The following PHTF1 variants were observed in gnomAD, a reference collection of about 807,000 sequenced individuals.
The protein encoded by PHTF1 is protein PHTF1.
PHTF1 carries 88 observed loss-of-function variants against 102.4 expected under a neutral mutation model. That is an observed-to-expected ratio of 0.86 (90% CI 0.72 to 1.03). The LOEUF (loss-of-function observed/expected upper bound fraction) is 1.03. PHTF1 is among the 50% of genes least tolerant of loss of function. The pLI is 0.00. For synonymous variants in PHTF1, 289 were observed against 305.2 expected (o/e 0.95, Z 0.55); for missense variants, 814 against 909.5 (o/e 0.89, Z 1.35).
upstream of PHTF1, among the ~76,000 whole-genome samples, chr1:113,759,756 T>C (rs1659440886): frequency 6.6e-6 from 1 of 152,264 alleles, no homozygotes; most frequent in South Asian, 2.1e-4. Flanking sequence ...TCGGTCCTGA[T>C]ACTCTAGTAG....
chr1:113,710,582 G>T, intron 10 of PHTF1, 107 bp from the exon 11 acceptor site: 1 of 742,994 alleles, frequency 1.3e-6, no homozygotes, highest in Non-Finnish European at 2.2e-6. Context: ...AAAGCCTTCA[G>T]AAGTCAATCA....
At chr1:113,716,413 C>T (rs1270374086) in intron 7 of PHTF1, among the ~76,000 whole-genome samples, 2 of 136,006 alleles carry the variant, frequency 1.5e-5, no homozygotes, top group Non-Finnish European at 1.5e-5. Flanking sequence ...GTCACAATTA[C>T]AGCTCACTAC....
intron 5 of PHTF1, among the ~76,000 whole-genome samples, chr1:113,732,918 G>A (rs1654886458): frequency 6.6e-6 from 1 of 152,118 alleles, no homozygotes; most frequent in Admixed American, 6.6e-5. Context: ...CAGAGATGCA[G>A]TCAGGGTCTT....
intron 3 of PHTF1, among the ~76,000 whole-genome samples, chr1:113,739,423 A>C (rs968910158): frequency 2.6e-5 from 4 of 152,186 alleles, no homozygotes; most frequent in Admixed American, 2.6e-4. Context: ...CCTCAAAAAC[A>C]AATAACTTCC....
At chr1:113,748,342 T>C (rs1657530899) in intron 3 of PHTF1, among the ~76,000 whole-genome samples, 1 of 152,180 alleles carries the variant, frequency 6.6e-6, no homozygotes, top group South Asian at 2.1e-4. Flanking sequence ...TTTTTAAAAT[T>C]ATTTATTAAT....
At position 113,710,319 on chromosome 1, in the gene PHTF1, C is replaced by T. The variant is rs756124749; in HGVS notation, c.1204G>A (p.Gly402Arg). Reference protein sequence around the residue: ...CRSSVTSDSEGAHVNTLHSGT... With the variant: ...CRSSVTSDSERAHVNTLHSGT... ...GAGTGAAGGGTATTCACATGGGCCC[C>T]CTCACTGTCACTGGTGACAGATGAC... The change falls in exon 11 of 19, where the codon GGG becomes AGG. Residue 402 changes from glycine (G) to arginine (R), a missense_variant. Coordinates refer to ENST00000369604, the MANE Select transcript of PHTF1 (RefSeq NM_001323043.2). The T allele has an allele frequency of 5.6e-6, 9 of 1,613,980 alleles. No individual in the cohort carries two copies. Among genetic ancestry groups the T allele is most frequent in the Non-Finnish European group, 7.6e-6 (9 of 1,180,030 alleles).
At chr1:113,721,373 G>C (rs1652909059) in intron 7 of PHTF1, among the ~76,000 whole-genome samples, 1 of 152,092 alleles carries the variant, frequency 6.6e-6, no homozygotes, top group South Asian at 2.1e-4. Flanking sequence ...TAAAAGTCAA[G>C]TCACATAACA....
intron 5 of PHTF1, among the ~76,000 whole-genome samples, chr1:113,734,194 A>T (rs1383470337): frequency 6.6e-6 from 1 of 152,204 alleles, no homozygotes; most frequent in Non-Finnish European, 1.5e-5. Context: ...TGGGAGGCGG[A>T]GGTTGCAGTG....
At chr1:113,723,805 A>T (rs990569352) in intron 7 of PHTF1, among the ~76,000 whole-genome samples, 2 of 152,224 alleles carry the variant, frequency 1.3e-5, no homozygotes, top group Non-Finnish European at 2.9e-5. Flanking sequence ...GCATCTATAT[A>T]GCAAAGGAAA....
intron 3 of PHTF1, among the ~76,000 whole-genome samples, chr1:113,753,638 G>A (rs1210372892): frequency 6.6e-6 from 1 of 151,862 alleles, no homozygotes; most frequent in Non-Finnish European, 1.5e-5. Flanking sequence ...ATGTTGCCCA[G>A]GCTAGTCTTG....
chr1:113,700,245 T>C, intron 16 of PHTF1: 4 of 735,730 alleles, frequency 5.4e-6, no homozygotes, highest in Non-Finnish European at 6.6e-6. Context: ...ATTACGATTC[T>C]AAGACAAAAA....
chr1:113,729,556 T>TA (rs879662543), intron 5 of PHTF1, among the ~76,000 whole-genome samples: 21 of 146,116 alleles, frequency 1.4e-4, no homozygotes, highest in South Asian at 4.3e-4. Context: ...ATTAAAAAGT[T>TA]AAAAAAAAAA....
Position 113,706,388 on chromosome 1 carries a change from G to A in PHTF1, c.1398+206C>T, listed in dbSNP as rs1650179644. Among the ~76,000 whole-genome samples, 8 of 152,030 alleles carry A rather than the reference G, an allele frequency of 5.3e-5. No individual in the cohort carries two copies. The South Asian group carries it at 1.7e-3, about 32-fold the overall frequency. On this transcript the variant is annotated intron_variant, in intron 12 of 18. Transcript: ENST00000369604. ...AGTTGATTATGTTAATAGAGACCAG[G>A]TATAACAAATAATGTATATACTACC...
chr1:113,725,039 G>A (rs937037452), intron 6 of PHTF1, 146 bp from the exon 7 acceptor site: 1 of 583,392 alleles, frequency 1.7e-6, no homozygotes. Context: ...AACTATGCAA[G>A]AACTTTCTGA....
intron 3 of PHTF1, among the ~76,000 whole-genome samples, chr1:113,746,625 C>T (rs1461324105): frequency 6.6e-6 from 1 of 151,950 alleles, no homozygotes; most frequent in African/African-American, 2.4e-5. Flanking sequence ...GTTTTGGCAC[C>T]GGTATAAATA....
At chr1:113,748,293 A>G (rs914242737) in intron 3 of PHTF1, among the ~76,000 whole-genome samples, 6 of 151,938 alleles carry the variant, frequency 3.9e-5, no homozygotes, top group Non-Finnish European at 5.9e-5. Flanking sequence ...GATCCTTTTA[A>G]TCTGGAAATA....
intron 3 of PHTF1, among the ~76,000 whole-genome samples, chr1:113,749,038 G>A (rs534763328): frequency 6.6e-6 from 1 of 152,168 alleles, no homozygotes; most frequent in East Asian, 1.9e-4. Context: ...TGTGTGGTGA[G>A]AACACTTAAT....
intron 13 of PHTF1, among the ~76,000 whole-genome samples, chr1:113,705,165 C>A (rs1649930519): frequency 6.6e-6 from 1 of 152,216 alleles, no homozygotes; most frequent in Non-Finnish European, 1.5e-5. Flanking sequence ...TGGGGCTGGG[C>A]ATGGTGGCTC....
intron 10 of PHTF1, 130 bp from the exon 11 acceptor site, chr1:113,710,605 T>A (rs1571110014): frequency 1.5e-6 from 1 of 661,444 alleles, no homozygotes; most frequent in South Asian, 1.9e-5. Flanking sequence ...ATGAATTCAT[T>A]TTTTCACAGG....
Sources: gnomAD v4.1 joint callset for allele counts (sites outside exome capture counted in the v4.1 genomes callset) on GRCh38, gnomAD v4.1.1 for gene constraint, MANE v1.5 for transcripts, NCBI Gene and HGNC (gene_info 2026-07-23, HGNC 2026-07-21) for gene names.